HNRNPR: variants seen among roughly 807,000 people sequenced by gnomAD.
The protein encoded by HNRNPR is heterogeneous nuclear ribonucleoprotein R.
A neutral mutation model predicts 70.3 loss-of-function variants in HNRNPR; 4 were observed. The observed-to-expected ratio is 0.06, with a 90% CI of 0.03 to 0.13. The LOEUF (loss-of-function observed/expected upper bound fraction) is 0.13, where lower values mean the gene tolerates loss of function less well. Ranked by LOEUF, HNRNPR falls within the 10% of genes least tolerant of loss-of-function variation. The probability of loss-of-function intolerance (pLI) is 1.00; values close to 1 mark genes in which losing one functional copy is unlikely to be tolerated. For missense variants in HNRNPR, 423 were observed against 788.5 expected, an observed-to-expected ratio of 0.54 and a Z score of 5.55; for synonymous variants, 241 against 267.6, an observed-to-expected ratio of 0.90 and a Z score of 0.97.
chr1:23,320,869 T>C (rs563486362), intron 7 of HNRNPR, among the ~76,000 whole-genome samples: 1 of 152,188 alleles, frequency 6.6e-6, no homozygotes, highest in East Asian at 1.9e-4. Context: ...AATTGGATAT[T>C]TAAAAAAATC....
chr1:23,336,898 A>T (rs541415724), intron 4 of HNRNPR, among the ~76,000 whole-genome samples: 1 of 152,212 alleles, frequency 6.6e-6, no homozygotes, highest in South Asian at 2.1e-4. Flanking sequence ...TTATCTAAGT[A>T]ATAAAATGGT....
intron 1 of HNRNPR, among the ~76,000 whole-genome samples, chr1:23,342,139 T>C (rs1166583754): frequency 1.3e-5 from 2 of 152,230 alleles, no homozygotes; most frequent in African/African-American, 4.8e-5. Flanking sequence ...CCTAGTCATC[T>C]ATAAAGAAAA....
chr1:23,325,336 T>C (rs1030541418), intron 5 of HNRNPR, among the ~76,000 whole-genome samples: 1 of 152,210 alleles, frequency 6.6e-6, no homozygotes, highest in African/African-American at 2.4e-5. Context: ...GACATTATTA[T>C]GGACATTAAG....
At chr1:23,339,867 C>A (rs2148492187) in intron 2 of HNRNPR, among the ~76,000 whole-genome samples, 1 of 152,244 alleles carries the variant, frequency 6.6e-6, no homozygotes, top group South Asian at 2.1e-4. Flanking sequence ...AAACACTCTA[C>A]AAGAGAGCAT....
intron 5 of HNRNPR, among the ~76,000 whole-genome samples, chr1:23,326,504 G>A (rs184459204): frequency 6.6e-5 from 10 of 152,228 alleles, no homozygotes; most frequent in African/African-American, 2.2e-4. Flanking sequence ...CTTTTTCCAG[G>A]CCGGGCACAG....
intron 6 of HNRNPR, 50 bp from the exon 7 acceptor site, chr1:23,321,713 C>T: frequency 6.5e-7 from 1 of 1,540,776 alleles, no homozygotes; most frequent in Non-Finnish European, 8.7e-7. Flanking sequence ...AAACTCAGGA[C>T]AATTGATCTT....
chr1:23,341,285 T>C (rs928964720), intron 1 of HNRNPR, among the ~76,000 whole-genome samples: 1 of 152,202 alleles, frequency 6.6e-6, no homozygotes, highest in Non-Finnish European at 1.5e-5. Flanking sequence ...AAGGTAGAAT[T>C]GCTGATTAAC....
intron 2 of HNRNPR, among the ~76,000 whole-genome samples, chr1:23,339,028 A>G (rs1414394198): frequency 6.6e-6 from 1 of 152,234 alleles, no homozygotes; most frequent in Non-Finnish European, 1.5e-5. Context: ...ACAGACGGTT[A>G]CAGTTGATGC....
intron 7 of HNRNPR, among the ~76,000 whole-genome samples, chr1:23,320,412 A>G (rs537338524): frequency 5.9e-5 from 9 of 152,310 alleles, no homozygotes; most frequent in African/African-American, 2.2e-4. Context: ...GTAAAGGACT[A>G]AAGATGAGGT....
intron 4 of HNRNPR, among the ~76,000 whole-genome samples, chr1:23,334,985 T>C (rs1427532733): frequency 3.3e-5 from 5 of 152,246 alleles, no homozygotes; most frequent in East Asian, 1.9e-4. Flanking sequence ...TGGCGCGATC[T>C]TGGCTCACTG....
chr1:23,304,841 TTA>T lies in HNRNPR; in HGVS notation c.*5611_*5612del, dbSNP rs1230655563. The T allele has an allele frequency of 6.6e-6, 1 of 152,234 alleles. No individual in the cohort carries two copies. Among genetic ancestry groups the T allele is most frequent in the Admixed American group, 6.5e-5 (1 of 15,286 alleles). The allele number at this position is 152,234 out of a possible 1,614,324, so 9.4% of individuals were successfully genotyped here. ...GCAAATGTCCCTATTTTGGTATTTC[TTA>T]TGTTACTATATCCATATCAGCAATT... On this transcript the variant is annotated 3_prime_UTR_variant, in exon 11 of 11. Transcript: ENST00000302271.
chr1:23,323,252 C>A (rs1309995390), intron 6 of HNRNPR, among the ~76,000 whole-genome samples: 1 of 151,802 alleles, frequency 6.6e-6, no homozygotes, highest in Non-Finnish European at 1.5e-5. Flanking sequence ...CATCCTTTTG[C>A]CTAAAACCAA....
chr1:23,343,912 G>A (rs1008333123), intron 1 of HNRNPR, among the ~76,000 whole-genome samples: 5 of 152,260 alleles, frequency 3.3e-5, no homozygotes, highest in South Asian at 2.1e-4. Context: ...GCCGCATGGA[G>A]CAGCGAGCGG....
chr1:23,331,106 G>A (rs1309626898), intron 5 of HNRNPR, among the ~76,000 whole-genome samples: 1 of 152,168 alleles, frequency 6.6e-6, no homozygotes. Context: ...TTTTAGGCTA[G>A]TGATCACATA....
rs746312328 is a variant in HNRNPR at position 23,337,859 on chromosome 1, G to A, written c.279C>T (p.Asn93=). The A allele has an allele frequency of 4.4e-6, 7 of 1,579,860 alleles. No homozygotes were observed. The highest frequency in any genetic ancestry group is 1.1e-5 in the South Asian group (1 of 88,482). The change falls in exon 4 of 11, where the codon AAC becomes AAT. Residue 93 remains asparagine (N), a splice_region_variant and synonymous_variant. Coordinates refer to ENST00000302271, the MANE Select transcript of HNRNPR (RefSeq NM_005826.5). ...TAACTCCACATAAAAATGCACTTTT[G>A]TTCTAGAACAGACAAGTAATTCAAT... The part of the protein sequence containing the change: ...FKESDLSHVQ[N]KSAFLCGVMK...
chr1:23,328,063 G>A (rs370295734), intron 5 of HNRNPR, among the ~76,000 whole-genome samples: 5 of 151,868 alleles, frequency 3.3e-5, no homozygotes, highest in African/African-American at 1.2e-4. Flanking sequence ...TGATGGAACA[G>A]GTACAAAAGG....
chr1:23,339,555 A>G (rs1354518828), intron 2 of HNRNPR, among the ~76,000 whole-genome samples: 2 of 152,236 alleles, frequency 1.3e-5, no homozygotes, highest in East Asian at 1.9e-4. Context: ...AAATGCAAGT[A>G]TTTCGTAGAT....
intron 4 of HNRNPR, among the ~76,000 whole-genome samples, 157 bp from the exon 5 acceptor site, chr1:23,333,788 C>T (rs1646341656): frequency 1.3e-5 from 2 of 152,170 alleles, no homozygotes; most frequent in African/African-American, 2.4e-5. Context: ...GTTCCCCATA[C>T]ATGTTTCTAC....
Position 23,305,311 on chromosome 1 carries a change from A to G in HNRNPR, c.*5143T>C, listed in dbSNP as rs1645187295. On this transcript the variant is annotated 3_prime_UTR_variant, in exon 11 of 11. Transcript: ENST00000302271. ...TCCTTTCTGTCACTGACACATGCAT[A>G]AAATGTTACCTTAACACAACCCTGC... is the stretch of plus-strand genomic sequence containing the variant. 6.6e-6 allele frequency: 1 copy of G among 152,218 alleles called. No individual in the cohort carries two copies. The highest frequency in any genetic ancestry group is 2.4e-5 in the African/African-American group (1 of 41,460). 9.4% of individuals were successfully genotyped at this position (152,218 alleles called of 1,614,324 possible).
Sources: allele counts gnomAD v4.1 joint callset (sites outside exome capture counted in the v4.1 genomes callset), GRCh38; gene constraint gnomAD v4.1.1; transcripts MANE v1.5; gene names NCBI Gene and HGNC (gene_info 2026-07-23, HGNC 2026-07-21).